The following FGGY variants were observed in gnomAD, a reference collection of about 807,000 sequenced individuals.
FGGY encodes the protein FGGY carbohydrate kinase domain containing, also known as FGGY carbohydrate kinase domain-containing protein.
FGGY carries 72 observed loss-of-function variants against 71.3 expected under a neutral mutation model. The ratio of observed to expected loss-of-function variants is 1.01; its 90% CI spans 0.84 to 1.23. The LOEUF (loss-of-function observed/expected upper bound fraction) is 1.23. Among genes scored for constraint, FGGY ranks in the 50% most tolerant of loss-of-function variants. The pLI is 0.00. For missense variants in FGGY, 668 were observed against 682.3 expected, an observed-to-expected ratio of 0.98 and a Z score of 0.23; for synonymous variants, 251 against 250.3, an observed-to-expected ratio of 1.00 and a Z score of -0.02.
intron 14 of FGGY, among the ~76,000 whole-genome samples, chr1:59,717,114 T>C (rs1218335736): frequency 2.6e-5 from 4 of 152,156 alleles, no homozygotes; most frequent in Non-Finnish European, 5.9e-5. Context: ...TTTACAGATA[T>C]GAAAATTGAG....
chr1:59,465,206 C>T (rs2092541220), intron 6 of FGGY, among the ~76,000 whole-genome samples: 1 of 152,216 alleles, frequency 6.6e-6, no homozygotes, highest in Admixed American at 6.5e-5. Flanking sequence ...GGCGGTTCCA[C>T]ATATGCAAAT....
intron 10 of FGGY, among the ~76,000 whole-genome samples, chr1:59,636,953 G>A (rs558838348): frequency 1.3e-5 from 2 of 152,168 alleles, no homozygotes; most frequent in East Asian, 3.9e-4. Flanking sequence ...CCTTTAAAGA[G>A]ACTTCCAAGG....
At chr1:59,490,385 A>C (rs1015388815) in intron 6 of FGGY, among the ~76,000 whole-genome samples, 6 of 152,218 alleles carry the variant, frequency 3.9e-5, no homozygotes, top group African/African-American at 1.4e-4. Flanking sequence ...TCCTGTACCA[A>C]TGGTTGAATT....
chr1:59,379,504 A>G (rs751585110), intron 5 of FGGY, among the ~76,000 whole-genome samples: 7 of 152,190 alleles, frequency 4.6e-5, no homozygotes, highest in African/African-American at 1.7e-4. Flanking sequence ...ACAATGAATG[A>G]AACTTGCAGG....
chr1:59,408,547 G>A (rs1313050891), intron 5 of FGGY, among the ~76,000 whole-genome samples: 1 of 152,136 alleles, frequency 6.6e-6, no homozygotes, highest in African/African-American at 2.4e-5. Context: ...GCACACATAT[G>A]TGTGCACGCA....
intron 4 of FGGY, among the ~76,000 whole-genome samples, chr1:59,360,026 G>A (rs1221161205): frequency 2.6e-5 from 4 of 151,756 alleles, no homozygotes; most frequent in Non-Finnish European, 5.9e-5. Flanking sequence ...GCTTACCCAA[G>A]CAAAGCAAAA....
At chr1:59,641,799 A>T (rs2097030985) in intron 11 of FGGY, among the ~76,000 whole-genome samples, 1 of 152,236 alleles carries the variant, frequency 6.6e-6, no homozygotes, top group Admixed American at 6.5e-5. Flanking sequence ...AACATCATAT[A>T]TGACATAAGA....
rs571955912 is a variant in FGGY, at chr1:59,656,288, A to G, written c.1222-3931A>G. 3.3e-5 allele frequency among the ~76,000 whole-genome samples: 5 copies of G among 152,274 alleles called. No homozygotes were observed. In the East Asian group the frequency reaches 9.7e-4, roughly 29 times the overall value. ...CCACTTCCTCTTGTTGGAACCATTC[A>G]GCCTCCAGCTAGGGAATCAGTTCAT... On this transcript the variant is annotated intron_variant, in intron 11 of 15. Coordinates refer to ENST00000303721, the MANE Select transcript of FGGY (RefSeq NM_018291.5).
chr1:59,312,700 A>G (rs560953638), intron 1 of FGGY, among the ~76,000 whole-genome samples: 3 of 152,264 alleles, frequency 2.0e-5, no homozygotes, highest in Admixed American at 2.0e-4. Context: ...TGTTCTGTGC[A>G]TTTGGCTTCA....
intron 9 of FGGY, among the ~76,000 whole-genome samples, chr1:59,624,890 CTT>C (rs1235662366): frequency 1.3e-5 from 2 of 152,142 alleles, no homozygotes; most frequent in African/African-American, 4.8e-5. Flanking sequence ...AGCAGACACA[CTT>C]AACTTCCTAG....
chr1:59,536,030 T>C (rs1164087254), intron 7 of FGGY, among the ~76,000 whole-genome samples: 1 of 150,804 alleles, frequency 6.6e-6, no homozygotes, highest in Non-Finnish European at 1.5e-5. Flanking sequence ...TTCAAAAAAT[T>C]AATGAATCCA....
chr1:59,313,588 G>GCA lies in FGGY; in HGVS notation c.-14-7933_-14-7932dup, dbSNP rs767300826. ...ATGTATCACACACACACACACGCACGCACACACACACACACATGATGGAAT... is the reference window on the plus strand; with the variant it reads ...ATGTATCACACACACACACACGCACGCACACACACACACACACATGATGGAAT... On this transcript the variant is annotated intron_variant, in intron 1 of 15. Coordinates refer to ENST00000303721, the MANE Select transcript of FGGY (RefSeq NM_018291.5). Among the ~76,000 whole-genome samples, 289 of 149,660 alleles carry GCA rather than the reference G, an allele frequency of 1.9e-3. 1 individual carries two copies. Among genetic ancestry groups the GCA allele is most frequent in the African/African-American group, 5.9e-3 (241 of 40,870 alleles).
At chr1:59,727,172 A>G (rs917622796) in intron 14 of FGGY, among the ~76,000 whole-genome samples, 5 of 152,132 alleles carry the variant, frequency 3.3e-5, no homozygotes, top group Non-Finnish European at 7.4e-5. Flanking sequence ...ATTAATTTGC[A>G]TAGGATAATG....
At chr1:59,626,293 T>C (rs1396381061) in intron 10 of FGGY, 3 of 402,922 alleles carry the variant, frequency 7.4e-6, no homozygotes, top group Non-Finnish European at 1.3e-5. Context: ...GAAACTCTGA[T>C]GTAGAAGAAG....
chr1:59,441,150 A>G (rs536396930), intron 5 of FGGY, among the ~76,000 whole-genome samples: 1 of 152,060 alleles, frequency 6.6e-6, no homozygotes, highest in Non-Finnish European at 1.5e-5. Flanking sequence ...CTATTTTCCC[A>G]TCTACTCTCT....
intron 14 of FGGY, among the ~76,000 whole-genome samples, chr1:59,733,939 C>G (rs2101021579): frequency 1.3e-5 from 2 of 152,304 alleles, no homozygotes; most frequent in South Asian, 4.1e-4. Context: ...ATAAGAGAGC[C>G]ACCTTGATGT....
At chr1:59,576,042 G>C (rs2096070058) in intron 8 of FGGY, among the ~76,000 whole-genome samples, 1 of 152,004 alleles carries the variant, frequency 6.6e-6, no homozygotes, top group South Asian at 2.1e-4. Context: ...GTGTTTGCTA[G>C]GGCCTCTGGT....
chr1:59,493,034 A>G (rs1450330871), intron 6 of FGGY, among the ~76,000 whole-genome samples: 1 of 151,652 alleles, frequency 6.6e-6, no homozygotes, highest in East Asian at 1.9e-4. Context: ...ATGGGTTTGT[A>G]TATTTTAAAA....
At chr1:59,418,666 T>TA (rs770542029) in intron 5 of FGGY, among the ~76,000 whole-genome samples, 43 of 152,194 alleles carry the variant, frequency 2.8e-4, no homozygotes, top group Non-Finnish European at 5.0e-4. Flanking sequence ...CATGTGAAGT[T>TA]ACAGCAACCC....
Sources: allele counts gnomAD v4.1 joint callset (sites outside exome capture counted in the v4.1 genomes callset), GRCh38; gene constraint gnomAD v4.1.1; transcripts MANE v1.5; gene names NCBI Gene and HGNC (gene_info 2026-07-23, HGNC 2026-07-21).